The following CHRNA7 variants were observed in gnomAD, a reference collection of about 807,000 sequenced individuals.
The protein encoded by CHRNA7 is cholinergic receptor nicotinic alpha 7 subunit, also known as neuronal acetylcholine receptor subunit alpha-7.
A neutral mutation model predicts 48.0 loss-of-function variants in CHRNA7; 17 were observed. The observed-to-expected ratio is 0.35, with a 90% CI of 0.24 to 0.53. CHRNA7 has a LOEUF of 0.53. CHRNA7 is among the 20% of genes least tolerant of loss of function. CHRNA7 has a pLI of 0.92. For missense variants in CHRNA7, 155 were observed against 577.7 expected (o/e 0.27, Z 7.50); for synonymous variants, 75 against 242.3 (o/e 0.31, Z 6.41).
chr15:32,060,583 G>A (rs1044759361), intron 2 of CHRNA7, among the ~76,000 whole-genome samples: 2 of 152,108 alleles, frequency 1.3e-5, no homozygotes, highest in African/African-American at 2.4e-5. Flanking sequence ...TGGTAAACAG[G>A]CAACATATTA....
At chr15:32,112,390 C>T (rs1206350950) in intron 4 of CHRNA7, 2 of 456,686 alleles carry the variant, frequency 4.4e-6, no homozygotes, top group East Asian at 1.4e-4. Flanking sequence ...TCATCTCTAG[C>T]TGCATGCAGA....
chr15:32,131,987 G>A (rs987688473), intron 4 of CHRNA7, among the ~76,000 whole-genome samples: 1 of 152,184 alleles, frequency 6.6e-6, no homozygotes, highest in African/African-American at 2.4e-5. Flanking sequence ...AACAGCAGGA[G>A]GCGGCTGGGT....
At chr15:32,044,402 C>T (rs1235192229) in intron 2 of CHRNA7, among the ~76,000 whole-genome samples, 5 of 152,062 alleles carry the variant, frequency 3.3e-5, no homozygotes, top group Admixed American at 6.6e-5. Context: ...CTCAGCCTCC[C>T]GAGTAGCTGG....
intron 3 of CHRNA7, among the ~76,000 whole-genome samples, chr15:32,107,176 C>G (rs2050684165): frequency 1.3e-5 from 2 of 152,132 alleles, no homozygotes; most frequent in Admixed American, 1.3e-4. Flanking sequence ...AATTTTCCAC[C>G]AGCAACTGGG....
chr15:32,035,443 AT>A (rs1902039506), intron 2 of CHRNA7, among the ~76,000 whole-genome samples: 1 of 152,204 alleles, frequency 6.6e-6, no homozygotes, highest in South Asian at 2.1e-4. Context: ...AAGATTGACT[AT>A]TTTGGTATTT....
chr15:32,115,509 C>T (rs528959658), intron 4 of CHRNA7, among the ~76,000 whole-genome samples: 1 of 152,020 alleles, frequency 6.6e-6, no homozygotes, highest in East Asian at 1.9e-4. Flanking sequence ...CCTGTAGCCT[C>T]GTCCACTCTC....
At chr15:32,057,147 G>A (rs2049800947) in intron 2 of CHRNA7, among the ~76,000 whole-genome samples, 1 of 152,200 alleles carries the variant, frequency 6.6e-6, no homozygotes, top group African/African-American at 2.4e-5. Flanking sequence ...ATAGTCCTAA[G>A]TTAGGTTTTG....
At chr15:32,082,021 G>A (rs1024758616) in intron 2 of CHRNA7, among the ~76,000 whole-genome samples, 1 of 152,002 alleles carries the variant, frequency 6.6e-6, no homozygotes, top group Admixed American at 6.5e-5. Flanking sequence ...ATTTGAAAAG[G>A]TTGTTTTTCT....
intron 4 of CHRNA7, among the ~76,000 whole-genome samples, chr15:32,143,052 A>G (rs763509755): frequency 5.9e-5 from 9 of 152,144 alleles, no homozygotes; most frequent in Non-Finnish European, 1.2e-4. Context: ...TCTTGTGGGC[A>G]TTTAGTGCTA....
At chr15:32,048,114 A>T (rs1165503126) in intron 2 of CHRNA7, among the ~76,000 whole-genome samples, 1 of 152,064 alleles carries the variant, frequency 6.6e-6, no homozygotes, top group Non-Finnish European at 1.5e-5. Context: ...TTCATCAGGG[A>T]TATTGGTCTA....
chr15:32,134,525 T>C (rs1308886652), intron 4 of CHRNA7, among the ~76,000 whole-genome samples: 1 of 152,126 alleles, frequency 6.6e-6, no homozygotes, highest in Non-Finnish European at 1.5e-5. Flanking sequence ...ACATTACAGA[T>C]GAAAACTGTA....
intron 3 of CHRNA7, among the ~76,000 whole-genome samples, chr15:32,106,899 C>T (rs1044205073): frequency 6.6e-6 from 1 of 152,136 alleles, no homozygotes; most frequent in African/African-American, 2.4e-5. Flanking sequence ...TTTCTGCATT[C>T]ATCATCACTT....
chr15:32,075,941 T>C (rs1028747729), intron 2 of CHRNA7, among the ~76,000 whole-genome samples: 24 of 152,318 alleles, frequency 1.6e-4, no homozygotes, highest in African/African-American at 5.3e-4. Context: ...TCTTTCTTTT[T>C]GACCTACAGA....
At chr15:32,090,725 G>A (rs1252662840) in intron 2 of CHRNA7, among the ~76,000 whole-genome samples, 1 of 152,078 alleles carries the variant, frequency 6.6e-6, no homozygotes, top group Non-Finnish European at 1.5e-5. Flanking sequence ...GCTAAAAAAT[G>A]ATGGAGGTTT....
intron 4 of CHRNA7, among the ~76,000 whole-genome samples, chr15:32,143,174 A>T (rs1013703533): frequency 6.6e-6 from 1 of 152,052 alleles, no homozygotes; most frequent in African/African-American, 2.4e-5. Context: ...TCATTTCGTT[A>T]TTTACCCAGT....
rs185192684 is a variant in CHRNA7, at chr15:32,091,047, C to G, written c.196-10256C>G. On this transcript the variant is annotated intron_variant, in intron 2 of 9. Transcript: ENST00000306901. ...ACCCATTGAGCTTTTATTTCAGTTA[C>G]TAAATTTTTCATTTTGTAAAGCTCT... Among the ~76,000 whole-genome samples the G allele has an allele frequency of 1.2e-4, 19 of 152,182 alleles. No homozygotes were observed. The South Asian group carries it at 2.3e-3, about 18-fold the overall frequency.
intron 2 of CHRNA7, among the ~76,000 whole-genome samples, chr15:32,072,523 C>T (rs565864164): frequency 6.6e-6 from 1 of 152,338 alleles, no homozygotes; most frequent in South Asian, 2.1e-4. Context: ...GGGAGGCAAG[C>T]ACTAATAGCC....
At chr15:32,148,631 T>G (rs911146212) in intron 4 of CHRNA7, among the ~76,000 whole-genome samples, 3 of 152,198 alleles carry the variant, frequency 2.0e-5, no homozygotes, top group Admixed American at 6.5e-5. Context: ...GGGCTCCCCC[T>G]GCCTATACTG....
intron 3 of CHRNA7, among the ~76,000 whole-genome samples, chr15:32,103,959 C>T (rs1337199032): frequency 6.6e-6 from 1 of 152,180 alleles, no homozygotes; most frequent in South Asian, 2.1e-4. Flanking sequence ...ATGATGCTTT[C>T]ACCCTGGTCT....
Sources: allele counts gnomAD v4.1 joint callset (sites outside exome capture counted in the v4.1 genomes callset), GRCh38; gene constraint gnomAD v4.1.1; transcripts MANE v1.5; gene names NCBI Gene and HGNC (gene_info 2026-07-23, HGNC 2026-07-21).